PTPRK: variants seen among roughly 807,000 people sequenced by gnomAD.
PTPRK encodes protein tyrosine phosphatase receptor type K.
A neutral mutation model predicts 178.0 loss-of-function variants in PTPRK; 75 were observed. That is an observed-to-expected ratio of 0.42 (90% CI 0.35 to 0.51). The LOEUF (loss-of-function observed/expected upper bound fraction) is 0.51, where lower values mean the gene tolerates loss of function less well. Ranked by LOEUF, PTPRK falls within the 20% of genes least tolerant of loss-of-function variation. PTPRK has a pLI of 0.02. For missense variants in PTPRK, 1,441 were observed against 1,797.8 expected (o/e 0.80, Z 3.59); for synonymous variants, 637 against 620.6 (o/e 1.03, Z -0.39).
intron 3 of PTPRK, among the ~76,000 whole-genome samples, chr6:128,317,680 C>T (rs1828203343): frequency 6.6e-6 from 1 of 152,040 alleles, no homozygotes; most frequent in Non-Finnish European, 1.5e-5. Context: ...TCCTTGAATG[C>T]CTTCTTCTGT....
At chr6:128,245,821 T>C (rs1052885525) in intron 3 of PTPRK, among the ~76,000 whole-genome samples, 1 of 152,302 alleles carries the variant, frequency 6.6e-6, no homozygotes, top group South Asian at 2.1e-4. Flanking sequence ...CTTTAAATAA[T>C]GTATAACTTG....
chr6:128,455,313 T>C (rs1244392155), intron 1 of PTPRK, among the ~76,000 whole-genome samples: 1 of 152,154 alleles, frequency 6.6e-6, no homozygotes, highest in Non-Finnish European at 1.5e-5. Context: ...TTATAAATTC[T>C]TATCATTAAA....
chr6:128,518,919 C>T, intron 1 of PTPRK: 3 of 459,276 alleles, frequency 6.5e-6, no homozygotes, highest in Non-Finnish European at 1.3e-5. Context: ...GGGAAATAAA[C>T]GATTACTCCA....
At chr6:128,332,413 G>T (rs530381402) in intron 2 of PTPRK, among the ~76,000 whole-genome samples, 1 of 152,106 alleles carries the variant, frequency 6.6e-6, no homozygotes, top group Non-Finnish European at 1.5e-5. Flanking sequence ...ACCCCTCTCT[G>T]TCTTGTTTCC....
chr6:128,336,611 A>G (rs1830971005), intron 2 of PTPRK, among the ~76,000 whole-genome samples: 1 of 152,194 alleles, frequency 6.6e-6, no homozygotes, highest in Admixed American at 6.5e-5. Context: ...ATGCAACTCA[A>G]GCATACAGAC....
intron 2 of PTPRK, among the ~76,000 whole-genome samples, chr6:128,375,545 T>C (rs1044382596): frequency 1.3e-5 from 2 of 152,046 alleles, no homozygotes; most frequent in Non-Finnish European, 2.9e-5. Context: ...CAAGATGAGA[T>C]TTTGGTGGGG....
intron 2 of PTPRK, among the ~76,000 whole-genome samples, chr6:128,394,904 G>C (rs1253882368): frequency 1.3e-5 from 2 of 152,056 alleles, no homozygotes; most frequent in Admixed American, 6.6e-5. Flanking sequence ...ATAAACAGAA[G>C]CCAGTTAATA....
Position 128,242,671 on chromosome 6 carries a change from G to C in PTPRK, c.496-69C>G, listed in dbSNP as rs1481387492. 8.3e-6 allele frequency: 13 copies of C among 1,557,174 alleles called. No individual in the cohort carries two copies. In the South Asian group the frequency reaches 1.5e-4, roughly 17 times the overall value. On this transcript the variant is annotated intron_variant, in intron 3 of 29. Coordinates refer to ENST00000368226, the MANE Select transcript of PTPRK (RefSeq NM_002844.4). The stretch of plus-strand genomic sequence containing the variant: ...GGAATTTCTACAGTGGAGGGGAATA[G>C]CTAAATATATGCAAAAGTAAATCTA...
chr6:128,236,032 A>G (rs1172727167), intron 5 of PTPRK, among the ~76,000 whole-genome samples: 1 of 152,050 alleles, frequency 6.6e-6, no homozygotes, highest in African/African-American at 2.4e-5. Context: ...TATTAATTAA[A>G]CTTGATCATA....
chr6:128,372,170 T>C (rs1836394652), intron 2 of PTPRK, among the ~76,000 whole-genome samples: 2 of 152,208 alleles, frequency 1.3e-5, no homozygotes, highest in African/African-American at 2.4e-5. Flanking sequence ...TTCCAAGTTC[T>C]GACTATAAGA....
rs1016470486 is a variant in PTPRK, at chr6:127,990,857, T to A, written c.3008A>T (p.Asp1003Val). Residue 1003 changes from aspartate to valine, a missense_variant, in exon 21 of 30, where the codon GAT (aspartate) becomes GTT (valine). Physicochemically the swap from Asp to Val is radical, Grantham distance 152. Transcript: ENST00000368226. ...TTTGAAGTCACCATAAACTTCAGTA[T>A]CATCAGGCCAATATTTATAGCATTT... ...RVKCYKYWPD[D>V]TEVYGDFKVT... The A allele has an allele frequency of 3.7e-6, 6 of 1,609,728 alleles. No individual in the cohort carries two copies. Among genetic ancestry groups the A allele is most frequent in the Non-Finnish European group, 4.2e-6 (5 of 1,176,480 alleles).
chr6:128,189,535 G>A (rs979996561), intron 6 of PTPRK, among the ~76,000 whole-genome samples: 1 of 151,778 alleles, frequency 6.6e-6, no homozygotes, highest in Non-Finnish European at 1.5e-5. Context: ...CACCACACCT[G>A]GCCCATATTT....
At chr6:128,194,064 A>ATTAT (rs1554338897) in intron 6 of PTPRK, among the ~76,000 whole-genome samples, 10 of 137,568 alleles carry the variant, frequency 7.3e-5, no homozygotes, top group African/African-American at 2.5e-4. Flanking sequence ...ATTTATATAT[A>ATTAT]TATTATTATT....
intron 7 of PTPRK, among the ~76,000 whole-genome samples, chr6:128,154,673 G>C (rs934197580): frequency 6.6e-6 from 1 of 151,076 alleles, no homozygotes; most frequent in East Asian, 2.0e-4. Context: ...CTTCATCAAA[G>C]AGGAAATAAA....
intron 1 of PTPRK, among the ~76,000 whole-genome samples, chr6:128,414,271 C>T (rs1018287003): frequency 6.6e-6 from 1 of 152,142 alleles, no homozygotes; most frequent in Admixed American, 6.5e-5. Context: ...GTATCATAGC[C>T]TCCTTTCACA....
chr6:128,144,433 G>C (rs1341802904), intron 7 of PTPRK, among the ~76,000 whole-genome samples: 1 of 152,108 alleles, frequency 6.6e-6, no homozygotes, highest in Admixed American at 6.6e-5. Context: ...ATTGCCCATG[G>C]CAGGTCTAAT....
At position 128,184,695 on chromosome 6, in the gene PTPRK, A is replaced by C; in HGVS notation, c.899T>G (p.Leu300Arg). 6.2e-7 allele frequency: 1 copy of C among 1,613,994 alleles called. No individual in the cohort carries two copies. The highest frequency in any genetic ancestry group is 1.1e-5 in the South Asian group (1 of 91,074). Reference protein sequence around the residue: ...EPPRPIAPPQLLGVGPTYLLI... With the variant: ...EPPRPIAPPQRLGVGPTYLLI... ...CAAATATGTAGGCCCAACACCAAGA[A>C]GCTGAGGAGGAGCAATGGGTCTTGG... is the stretch of plus-strand genomic sequence containing the variant. Residue 300 changes from leucine to arginine, a missense_variant, in exon 7 of 30, where the codon CTT becomes CGT. Physicochemically the swap from Leu to Arg is moderately radical, Grantham distance 102. This residue lies in a region of PTPRK where 945 missense variants were observed against 1,080.6 expected (regional missense o/e 0.87). Transcript: ENST00000368226.
chr6:128,009,248 C>G lies in PTPRK; in HGVS notation c.2215G>C (p.Glu739Gln). The G allele has an allele frequency of 6.2e-7, 1 of 1,607,304 alleles. No homozygotes were observed. Among genetic ancestry groups the G allele is most frequent in the Non-Finnish European group, 8.5e-7 (1 of 1,176,310 alleles). Residue 739 changes from glutamate (E) to glutamine (Q), a missense_variant, in exon 14 of 30, where the codon GAA becomes CAA. Physicochemically the swap from Glu to Gln is conservative, Grantham distance 29. Transcript: ENST00000368226. Reference sequence around the variant, plus strand: ...TGCTTGGCGGGATCTGGGATCACTTCTGGTTCTTCTGTTGCTGCTGCTAAA... The same window carrying G: ...TGCTTGGCGGGATCTGGGATCACTTGTGGTTCTTCTGTTGCTGCTGCTAAA... ...ATKAAATEEP[E>Q]VIPDPAKQTD...
chr6:128,015,358 G>C (rs1247541415), intron 13 of PTPRK, among the ~76,000 whole-genome samples: 2 of 151,612 alleles, frequency 1.3e-5, no homozygotes, highest in Non-Finnish European at 2.9e-5. Flanking sequence ...CATTCAATTA[G>C]GTAAAATAGA....
Sources: gnomAD v4.1 joint callset for allele counts (sites outside exome capture counted in the v4.1 genomes callset) on GRCh38, gnomAD v4.1.1 for gene constraint, gnomAD v4.1.1 regional missense constraint, MANE v1.5 for transcripts, NCBI Gene and HGNC (gene_info 2026-07-23, HGNC 2026-07-21) for gene names.